Variants in TENM2 observed in about 807,000 individuals in gnomAD.
TENM2 encodes teneurin transmembrane protein 2.
In TENM2, 52 loss-of-function variants were observed where a neutral mutation model predicts 245.2. That is an observed-to-expected ratio of 0.21 (90% CI 0.17 to 0.27). The LOEUF is 0.27. TENM2 is among the 10% of genes least tolerant of loss of function. TENM2 has a pLI of 1.00. For synonymous variants in TENM2, 1,363 were observed against 1,438.9 expected, an observed-to-expected ratio of 0.95 and a Z score of 1.19; for missense variants, 3,046 against 3,666.8, an observed-to-expected ratio of 0.83 and a Z score of 4.37.
At chr5:167,358,889 A>G (rs1415734611) in intron 1 of TENM2, among the ~76,000 whole-genome samples, 1 of 151,228 alleles carries the variant, frequency 6.6e-6, no homozygotes, top group Non-Finnish European at 1.5e-5. Flanking sequence ...CTCAATAGAT[A>G]GTAACTCTCT....
rs950766149 is a variant in TENM2, at chr5:167,298,397, A to G, written c.226+13334A>G. Reference sequence around the variant, plus strand: ...GGGGGGCGGATCACGAGGTCAGGAGATTGAGACCATCCTGGCTAACACGGT... The same window carrying G: ...GGGGGGCGGATCACGAGGTCAGGAGGTTGAGACCATCCTGGCTAACACGGT... On this transcript the variant is annotated intron_variant, in intron 1 of 28. Coordinates refer to ENST00000518659, the Ensembl canonical transcript of TENM2. Among the ~76,000 whole-genome samples the G allele has an allele frequency of 5.9e-5, 9 of 152,296 alleles. 1 individual carries two copies. The highest frequency in any genetic ancestry group is 3.9e-4 in the East Asian group (2 of 5,158).
chr5:168,205,066 C>A (rs1762249572), intron 19 of TENM2, among the ~76,000 whole-genome samples: 1 of 152,170 alleles, frequency 6.6e-6, no homozygotes, highest in African/African-American at 2.4e-5. Flanking sequence ...TGTGTAATTT[C>A]TGGCCAGCCT....
intron 2 of TENM2, among the ~76,000 whole-genome samples, chr5:167,624,312 GC>G (rs1240922672): frequency 1.3e-5 from 2 of 152,114 alleles, no homozygotes; most frequent in African/African-American, 4.8e-5. Flanking sequence ...GTGAACTAAT[GC>G]AGAAATAGAA....
intron 17 of TENM2, among the ~76,000 whole-genome samples, chr5:168,201,305 CACAT>C (rs1485957043): frequency 6.6e-6 from 1 of 151,576 alleles, no homozygotes; most frequent in Non-Finnish European, 1.5e-5. Context: ...TATATATACA[CACAT>C]ACATATATAC....
intron 2 of TENM2, among the ~76,000 whole-genome samples, chr5:167,387,270 T>TG (rs3075423): frequency 2.6e-5 from 4 of 151,184 alleles, no homozygotes; most frequent in East Asian, 2.0e-4. Flanking sequence ...TTGTTGTTGT[T>TG]TTTGTGGTTA....
chr5:167,680,449 A>G (rs552182316), intron 2 of TENM2, among the ~76,000 whole-genome samples: 33 of 152,254 alleles, frequency 2.2e-4, no homozygotes, highest in African/African-American at 7.7e-4. Context: ...CTAGAAATGA[A>G]GTGGGGAGAT....
chr5:167,699,069 A>G (rs763483253), intron 2 of TENM2, among the ~76,000 whole-genome samples: 1 of 152,142 alleles, frequency 6.6e-6, no homozygotes, highest in Non-Finnish European at 1.5e-5. Flanking sequence ...TTAGCTAGTT[A>G]TAAAAGTCTA....
chr5:168,240,147 G>C (rs914795415), intron 25 of TENM2, among the ~76,000 whole-genome samples: 1 of 152,188 alleles, frequency 6.6e-6, no homozygotes, highest in African/African-American at 2.4e-5. Context: ...TTGAACCCAG[G>C]GGGCAGAGGT....
intron 2 of TENM2, among the ~76,000 whole-genome samples, chr5:167,872,548 G>A (rs987704804): frequency 0.017 from 1,082 of 65,300 alleles, 23 homozygotes; most frequent in African/African-American, 0.039. Flanking sequence ...AAGAAAGAAA[G>A]AGAAAGAAAG....
chr5:167,416,941 A>G (rs1305319517), intron 2 of TENM2, among the ~76,000 whole-genome samples: 1 of 152,182 alleles, frequency 6.6e-6, no homozygotes, highest in Admixed American at 6.5e-5. Flanking sequence ...ATGTTTGATT[A>G]CATAGATTGT....
At chr5:167,160,764 A>G in the TENM2 span, among the ~76,000 whole-genome samples, 1 of 152,180 alleles carries the variant, frequency 6.6e-6, no homozygotes, top group Admixed American at 6.5e-5. Flanking sequence ...CTGACCCTGA[A>G]TTACCTGAGG....
chr5:167,920,342 A>G lies in TENM2; in HGVS notation c.713-32246A>G, dbSNP rs545210507. On this transcript the variant is annotated intron_variant, in intron 3 of 28. Coordinates refer to ENST00000518659, the Ensembl canonical transcript of TENM2. Reference sequence around the variant, plus strand: ...CCCTGTCTCTACTTAAAAAAAAAAGAAAAAAAAAGAAAAAAAAAATCAAAA... The same window carrying G: ...CCCTGTCTCTACTTAAAAAAAAAAGGAAAAAAAAGAAAAAAAAAATCAAAA... 9.2e-4 allele frequency among the ~76,000 whole-genome samples: 128 copies of G among 139,290 alleles called. 1 individual carries two copies. Among genetic ancestry groups the G allele is most frequent in the African/African-American group, 3.1e-3 (119 of 37,824 alleles). The allele number at this position is 139,290 out of a possible 152,430, so 91.4% of individuals were successfully genotyped here. A position where few individuals can be genotyped will look rare whatever the true frequency, so the allele number is the denominator to read the frequency against.
At chr5:167,944,499 G>A (rs1470755479) in intron 3 of TENM2, among the ~76,000 whole-genome samples, 1 of 151,928 alleles carries the variant, frequency 6.6e-6, no homozygotes, top group East Asian at 1.9e-4. Flanking sequence ...CTTTTTAAGT[G>A]CTAGGCAGTG....
intron 12 of TENM2, among the ~76,000 whole-genome samples, chr5:168,160,175 G>A (rs904906863): frequency 3.3e-5 from 5 of 152,220 alleles, no homozygotes; most frequent in Non-Finnish European, 7.3e-5. Context: ...GGTAGCTGGA[G>A]GTTGGAGAAA....
intron 2 of TENM2, among the ~76,000 whole-genome samples, chr5:167,860,852 G>C (rs1249411171): frequency 1.4e-4 from 15 of 103,828 alleles, no homozygotes; most frequent in Admixed American, 7.1e-4. Flanking sequence ...CAGCATGCTC[G>C]TTAAGAGTCA....
At chr5:167,022,417 A>T in the TENM2 span, among the ~76,000 whole-genome samples, 1 of 152,230 alleles carries the variant, frequency 6.6e-6, no homozygotes, top group Non-Finnish European at 1.5e-5. Flanking sequence ...TGGATTTCAG[A>T]GTAAATAACC....
intron 2 of TENM2, among the ~76,000 whole-genome samples, chr5:167,420,414 G>A (rs1479705199): frequency 6.6e-6 from 1 of 152,142 alleles, no homozygotes; most frequent in African/African-American, 2.4e-5. Context: ...GGCAAGTGGA[G>A]TGGAGTGGGC....
At chr5:167,638,747 CT>C (rs2150240446) in intron 2 of TENM2, among the ~76,000 whole-genome samples, 1 of 152,324 alleles carries the variant, frequency 6.6e-6, no homozygotes, top group South Asian at 2.1e-4. Context: ...CACACAACTT[CT>C]CATCACAGGA....
chr5:167,640,865 A>ATATATATG (rs2150248116), intron 2 of TENM2, among the ~76,000 whole-genome samples: 1 of 24,944 alleles, frequency 4.0e-5, no homozygotes, highest in East Asian at 3.4e-3. Flanking sequence ...ATATCCATAT[A>ATATATATG]TATATATATA....
Sources: gnomAD v4.1 joint callset for allele counts (sites outside exome capture counted in the v4.1 genomes callset) on GRCh38, gnomAD v4.1.1 for gene constraint, MANE v1.5 for transcripts, NCBI Gene and HGNC (gene_info 2026-07-23, HGNC 2026-07-21) for gene names.